UGDH: variants seen among roughly 807,000 people sequenced by gnomAD.
UGDH encodes UDP-Glc dehydrogenase.
Under a neutral mutation model 50.6 loss-of-function variants are expected in UGDH, and 38 were observed. That is an observed-to-expected ratio of 0.75 (90% CI 0.58 to 0.98). The LOEUF (loss-of-function observed/expected upper bound fraction) is 0.98, where lower values mean the gene tolerates loss of function less well. Ranked by LOEUF, UGDH falls within the 50% of genes least tolerant of loss-of-function variation. The pLI is 0.00. For missense variants in UGDH, 465 were observed against 606.2 expected, an observed-to-expected ratio of 0.77 and a Z score of 2.45; for synonymous variants, 168 against 199.9, an observed-to-expected ratio of 0.84 and a Z score of 1.35.
chr4:39,504,058 C>G, intron 10 of UGDH, 73 bp from the exon 11 acceptor site: 1 of 1,330,582 alleles, frequency 7.5e-7, no homozygotes, highest in Non-Finnish European at 1.1e-6. Flanking sequence ...CCTGTAATCC[C>G]AGCACTTTGG....
In UGDH at chr4:39,502,857, C is replaced by T. The variant is rs143704659; in HGVS notation, c.1374+1018G>A. 2.6e-3 allele frequency among the ~76,000 whole-genome samples: 402 copies of T among 152,260 alleles called. 2 individuals carry two copies. Among genetic ancestry groups the T allele is most frequent in the African/African-American group, 9.2e-3 (381 of 41,526 alleles). On this transcript the variant is annotated intron_variant, in intron 11 of 11. Transcript: ENST00000316423. Reference sequence around the variant, plus strand: ...TGCCTGCTGGGCTCAAGCAATCCTCCCACGTCAGCCTCCCATGTGGCTGGG... The same window carrying T: ...TGCCTGCTGGGCTCAAGCAATCCTCTCACGTCAGCCTCCCATGTGGCTGGG...
intron 7 of UGDH, among the ~76,000 whole-genome samples, chr4:39,506,539 A>G (rs940315723): frequency 1.3e-5 from 2 of 152,120 alleles, no homozygotes; most frequent in African/African-American, 4.8e-5. Context: ...GCAACAAACA[A>G]TGTGCAGAGT....
intron 2 of UGDH, 35 bp downstream of exon 2, chr4:39,521,316 A>C (rs879149275): frequency 1.3e-6 from 2 of 1,551,256 alleles, no homozygotes; most frequent in East Asian, 2.3e-5. Context: ...AGTAAGAAAA[A>C]AGCATAAAAA....
intron 6 of UGDH, 89 bp from the exon 7 acceptor site, chr4:39,508,749 C>G: frequency 2.8e-6 from 3 of 1,086,744 alleles, no homozygotes; most frequent in Non-Finnish European, 3.9e-6. Flanking sequence ...AATCAGAAAG[C>G]TTATACTAAG....
rs903919278 is a variant in UGDH, at chr4:39,510,779, A to G, written c.347T>C (p.Ile116Thr). 3.1e-6 allele frequency: 5 copies of G among 1,614,210 alleles called. No individual in the cohort carries two copies. The highest frequency in any genetic ancestry group is 4.2e-6 in the Non-Finnish European group (5 of 1,180,032). Reference protein sequence around the residue: ...LKYIEACARRIVQNSNGYKIV... With the variant: ...LKYIEACARRTVQNSNGYKIV... ...TTTGTACCCATTTGAGTTTTGCACA[A>G]TGCGTCTAGCACAAGCTTCAATATA... Residue 116 changes from isoleucine to threonine, a missense_variant, in exon 4 of 12, where the codon ATT becomes ACT. By Grantham distance (89) the Ile-to-Thr change is moderately conservative. Coordinates refer to ENST00000316423, the MANE Select transcript of UGDH (RefSeq NM_003359.4).
Position 39,502,073 on chromosome 4 carries a change from T to G in UGDH, c.1374+1802A>C, listed in dbSNP as rs558845447. On this transcript the variant is annotated intron_variant, in intron 11 of 11. Coordinates refer to ENST00000316423, the MANE Select transcript of UGDH (RefSeq NM_003359.4). ...TTTTTTAATTTCTCACTAGGAAAGT[T>G]AACTTTTACAATAACTTAAAATCAT... Among the ~76,000 whole-genome samples the G allele has an allele frequency of 3.2e-4, 49 of 152,368 alleles. 1 individual carries two copies. In the South Asian group the frequency reaches 9.3e-3, roughly 29 times the overall value.
At chr4:39,505,927 T>C (rs1335248897) in intron 7 of UGDH, among the ~76,000 whole-genome samples, 179 bp from the exon 8 acceptor site, 1 of 150,818 alleles carries the variant, frequency 6.6e-6, no homozygotes, top group African/African-American at 2.4e-5. Context: ...AAATCACTCA[T>C]CCCCTTCCTT....
intron 2 of UGDH, among the ~76,000 whole-genome samples, chr4:39,521,076 A>C (rs1746638276): frequency 1.3e-5 from 2 of 151,204 alleles, no homozygotes; most frequent in African/African-American, 4.9e-5. Context: ...TCTCAAAAAA[A>C]AAAAAAAAAA....
chr4:39,506,035 A>G (rs1746012371), intron 7 of UGDH, among the ~76,000 whole-genome samples: 1 of 152,026 alleles, frequency 6.6e-6, no homozygotes, highest in Non-Finnish European at 1.5e-5. Flanking sequence ...GTTCAAGACC[A>G]GCCTGGGCAC....
intron 9 of UGDH, among the ~76,000 whole-genome samples, chr4:39,504,815 C>T (rs1459695460): frequency 3.9e-5 from 6 of 152,164 alleles, no homozygotes; most frequent in Admixed American, 3.9e-4. Context: ...TGGAATTTTC[C>T]TTCTAGTACT....
chr4:39,527,085 C>T, intron 1 of UGDH, 198 bp downstream of exon 1: 2 of 1,289,378 alleles, frequency 1.6e-6, no homozygotes, highest in Middle Eastern at 4.3e-4. Context: ...ACGACCACAT[C>T]CCCAGGACAG....
intron 6 of UGDH, among the ~76,000 whole-genome samples, chr4:39,509,055 G>T (rs1746131881): frequency 1.3e-5 from 2 of 150,324 alleles, no homozygotes; most frequent in African/African-American, 4.9e-5. Flanking sequence ...GCTCACTGCA[G>T]CCTTGACCTC....
chr4:39,515,959 G>A (rs531157478), intron 2 of UGDH, among the ~76,000 whole-genome samples: 3 of 152,112 alleles, frequency 2.0e-5, no homozygotes, highest in South Asian at 2.1e-4. Context: ...CTCAGCCTCC[G>A]AAAGTGCTGG....
At chr4:39,518,694 A>G (rs187096052) in intron 2 of UGDH, among the ~76,000 whole-genome samples, 2 of 151,626 alleles carry the variant, frequency 1.3e-5, no homozygotes, top group African/African-American at 4.8e-5. Context: ...TCCTGGGCTC[A>G]AGCAATCCTC....
intron 7 of UGDH, among the ~76,000 whole-genome samples, chr4:39,506,028 C>G (rs1458995814): frequency 2.6e-5 from 4 of 151,732 alleles, no homozygotes; most frequent in African/African-American, 9.7e-5. Context: ...CTCAGGAGTT[C>G]AAGACCAGCC....
Position 39,509,893 on chromosome 4 carries a change from A to G in UGDH, c.678T>C (p.Phe226=), listed in dbSNP as rs751235741. Residue 226 remains phenylalanine (F), a synonymous_variant, in exon 6 of 12, where the codon TTT becomes TTC. Coordinates refer to ENST00000316423, the MANE Select transcript of UGDH (RefSeq NM_003359.4). ...TAATGCTGCTTATTCTCTGGGCAAGAAAAGCATTTGCTGCCTTAAAAAAAA... is the reference window on the plus strand; with the variant it reads ...TAATGCTGCTTATTCTCTGGGCAAGGAAAGCATTTGCTGCCTTAAAAAAAA... ...SELSKLAANA[F]LAQRISSINS... 2.5e-6 allele frequency: 4 copies of G among 1,587,958 alleles called. No individual in the cohort carries two copies. The highest frequency in any genetic ancestry group is 2.7e-5 in the African/African-American group (2 of 72,838).
intron 2 of UGDH, among the ~76,000 whole-genome samples, chr4:39,521,069 CAAAAAAAA>C (rs1179305904): frequency 6.2e-5 from 5 of 80,070 alleles, no homozygotes; most frequent in Non-Finnish European, 1.1e-4. Context: ...GACTCCGTCT[CAAAAAAAA>C]AAAAAAAAAA....
At chr4:39,515,404 A>G (rs961444552) in intron 2 of UGDH, among the ~76,000 whole-genome samples, 1 of 152,142 alleles carries the variant, frequency 6.6e-6, no homozygotes, top group African/African-American at 2.4e-5. Context: ...GTGAAAGTCA[A>G]TTTACTCCAT....
intron 7 of UGDH, among the ~76,000 whole-genome samples, chr4:39,506,011 G>C (rs1036525446): frequency 6.6e-6 from 1 of 151,814 alleles, no homozygotes; most frequent in Non-Finnish European, 1.5e-5. Context: ...GTGGGCGATT[G>C]CTTGAGCTCA....
Sources: allele counts gnomAD v4.1 joint callset (sites outside exome capture counted in the v4.1 genomes callset), GRCh38; gene constraint gnomAD v4.1.1; transcripts MANE v1.5; gene names NCBI Gene and HGNC (gene_info 2026-07-23, HGNC 2026-07-21).